SPECC1L: variants seen among roughly 807,000 people sequenced by gnomAD.
The protein encoded by SPECC1L is sperm antigen with calponin homology and coiled-coil domains 1 like.
A neutral mutation model predicts 116.8 loss-of-function variants in SPECC1L; 40 were observed. That is an observed-to-expected ratio of 0.34 (90% CI 0.27 to 0.45). SPECC1L has a LOEUF of 0.45. Among genes scored for constraint, SPECC1L ranks in the 20% least tolerant of loss-of-function variants. The pLI is 1.00. For missense variants in SPECC1L, 1,110 were observed against 1,373.6 expected (o/e 0.81, Z 3.03); for synonymous variants, 504 against 500.6 (o/e 1.01, Z -0.09).
intron 10 of SPECC1L, among the ~76,000 whole-genome samples, chr22:24,345,106 T>C (rs1342165485): frequency 3.3e-5 from 5 of 152,060 alleles, no homozygotes; most frequent in Non-Finnish European, 1.5e-5. Context: ...GAGGACAAAT[T>C]TGGAGGACTT....
chr22:24,273,401 T>C (rs1213066309), intron 1 of SPECC1L, among the ~76,000 whole-genome samples: 2 of 152,216 alleles, frequency 1.3e-5, no homozygotes, highest in African/African-American at 4.8e-5. Flanking sequence ...ATCTTTTCTT[T>C]AAAAAAGTTC....
Position 24,322,692 on chromosome 22 carries a change from G to C in SPECC1L, c.1712G>C (p.Ser571Thr), listed in dbSNP as rs1274075783. The stretch of plus-strand genomic sequence containing the variant: ...GAGGAATACAAAGCCACAGTGGCCA[G>C]TGACCAGATAGAGATGAATCGCCTG... ...TLEEYKATVA[S>T]DQIEMNRLKA... The change falls in exon 5 of 17, where the codon AGT becomes ACT. Residue 571 changes from serine to threonine, a missense_variant. By Grantham distance (58) the Ser-to-Thr change is moderately conservative. Transcript: ENST00000314328. The C allele has an allele frequency of 1.2e-6, 2 of 1,607,292 alleles. No individual in the cohort carries two copies. The highest frequency in any genetic ancestry group is 2.2e-5 in the South Asian group (2 of 89,998).
At chr22:24,324,563 G>A (rs1036325751) in intron 6 of SPECC1L, 136 bp downstream of exon 6, 104 of 797,224 alleles carry the variant, frequency 1.3e-4, no homozygotes, top group Non-Finnish European at 1.7e-4. Flanking sequence ...GTTCAAAACC[G>A]AACCAGGCTG....
chr22:24,347,220 T>A (rs1312541507), intron 11 of SPECC1L, 44 bp downstream of exon 11: 1 of 1,482,118 alleles, frequency 6.7e-7, no homozygotes, highest in Non-Finnish European at 9.4e-7. Context: ...TTTCAATTTT[T>A]GAATTGTTCT....
At position 24,334,501 on chromosome 22, in the gene SPECC1L, A is replaced by C; in HGVS notation, c.2488A>C (p.Arg830=). ...AAGGCAGGGAATGGGACTGAGTAGA[A>C]GGTCCTCGACTTCCTCAGAGCCAAC... The part of the protein sequence containing the change: ...ALRQGMGLSR[R]SSTSSEPTPT... Residue 830 remains arginine, a synonymous_variant, in exon 9 of 17, where the codon AGG becomes CGG. Transcript: ENST00000314328. 6.2e-7 allele frequency: 1 copy of C among 1,614,196 alleles called. No homozygotes were observed. Among genetic ancestry groups the C allele is most frequent in the Non-Finnish European group, 8.5e-7 (1 of 1,180,024 alleles).
At chr22:24,324,705 G>T (rs184537975) in intron 6 of SPECC1L, among the ~76,000 whole-genome samples, 186 of 152,296 alleles carry the variant, frequency 1.2e-3, no homozygotes, top group African/African-American at 4.1e-3. Flanking sequence ...ACAAAAATTA[G>T]CTGGGTGTGG....
chr22:24,308,973 A>T (rs1258413939), intron 3 of SPECC1L, among the ~76,000 whole-genome samples: 1 of 152,136 alleles, frequency 6.6e-6, no homozygotes, highest in East Asian at 1.9e-4. Context: ...ACATGTTCCT[A>T]TTACTCTTTG....
At chr22:24,346,515 A>G (rs1351474345) in intron 10 of SPECC1L, among the ~76,000 whole-genome samples, 1 of 152,168 alleles carries the variant, frequency 6.6e-6, no homozygotes, top group South Asian at 2.1e-4. Context: ...TTATTTTGGA[A>G]CATGTTTTTG....
intron 1 of SPECC1L, among the ~76,000 whole-genome samples, chr22:24,273,443 T>C (rs985079527): frequency 3.3e-5 from 5 of 152,216 alleles, no homozygotes; most frequent in African/African-American, 9.6e-5. Context: ...AAGCATCTTT[T>C]ATGAAATGAT....
intron 14 of SPECC1L, among the ~76,000 whole-genome samples, chr22:24,370,498 G>C (rs914913768): frequency 2.0e-5 from 3 of 152,226 alleles, no homozygotes; most frequent in African/African-American, 4.8e-5. Context: ...TGTTGTAACT[G>C]CTGTGGAAAA....
intron 14 of SPECC1L, among the ~76,000 whole-genome samples, chr22:24,374,097 G>A (rs1356079526): frequency 3.3e-5 from 5 of 151,554 alleles, no homozygotes; most frequent in South Asian, 2.1e-4. Context: ...AGTTAGAATG[G>A]CGATCATTAA....
intron 14 of SPECC1L, among the ~76,000 whole-genome samples, chr22:24,374,549 T>A (rs2041934570): frequency 7.0e-6 from 1 of 143,176 alleles, no homozygotes; most frequent in South Asian, 2.2e-4. Context: ...CTGCATGTTC[T>A]CACTCATAGG....
At chr22:24,365,681 T>C (rs2041748545) in intron 13 of SPECC1L, 49 bp downstream of exon 13, 1 of 1,597,086 alleles carries the variant, frequency 6.3e-7, no homozygotes, top group East Asian at 2.2e-5. Flanking sequence ...TTTCCTGGCC[T>C]TTTGACAGTA....
intron 10 of SPECC1L, among the ~76,000 whole-genome samples, chr22:24,341,290 T>G (rs570427942): frequency 6.6e-6 from 1 of 152,316 alleles, no homozygotes; most frequent in Non-Finnish European, 1.5e-5. Context: ...CCCACAAGGA[T>G]AATTTTCCAG....
chr22:24,405,701 A>G (rs760841313), intron 14 of SPECC1L, among the ~76,000 whole-genome samples: 26 of 152,048 alleles, frequency 1.7e-4, no homozygotes, highest in Non-Finnish European at 2.6e-4. Flanking sequence ...TTAGCCGGGC[A>G]TGGTGGCGGG....
intron 1 of SPECC1L, among the ~76,000 whole-genome samples, chr22:24,272,592 A>C (rs544043207): frequency 6.7e-6 from 1 of 149,764 alleles, no homozygotes; most frequent in Non-Finnish European, 1.5e-5. Context: ...AGAATTGCTT[A>C]GGAGGCAGAG....
rs62233997 is a variant in SPECC1L at position 24,407,282 on chromosome 22, G to A, written c.3088-4306G>A. 7.4e-3 allele frequency among the ~76,000 whole-genome samples: 1,125 copies of A among 152,342 alleles called. 6 individuals carry two copies. The highest frequency in any genetic ancestry group is 0.013 in the South Asian group (61 of 4,824). On this transcript the variant is annotated intron_variant, in intron 14 of 16. Transcript: ENST00000314328. ...TGAAGAAGCCATTGTTTTCTTCCCG[G>A]TTCAGGTCACTGTGGCATGCTTTGT...
intron 2 of SPECC1L, among the ~76,000 whole-genome samples, chr22:24,297,108 G>T (rs966340834): frequency 6.7e-6 from 1 of 149,946 alleles, no homozygotes; most frequent in South Asian, 2.2e-4. Context: ...GCTAATTTTT[G>T]TATTTTTAGT....
chr22:24,382,322 T>G (rs6004142), intron 14 of SPECC1L, among the ~76,000 whole-genome samples: 189 of 152,170 alleles, frequency 1.2e-3, no homozygotes, highest in African/African-American at 4.1e-3. Flanking sequence ...TGTTTCAGAA[T>G]CACTGAGTAG....
Sources: gnomAD v4.1 joint callset for allele counts (sites outside exome capture counted in the v4.1 genomes callset) on GRCh38, gnomAD v4.1.1 for gene constraint, MANE v1.5 for transcripts, NCBI Gene and HGNC (gene_info 2026-07-23, HGNC 2026-07-21) for gene names.